Variants in CHD2 observed in about 807,000 individuals in gnomAD.
CHD2 encodes ATP-dependent chromatin remodeler CHD2.
CHD2 carries 28 observed loss-of-function variants against 243.9 expected under a neutral mutation model. The observed-to-expected ratio is 0.11, with a 90% CI of 0.09 to 0.16. CHD2 has a LOEUF of 0.16. Ranked by LOEUF, CHD2 falls within the 10% of genes least tolerant of loss-of-function variation. The probability of loss-of-function intolerance (pLI) is 1.00; values close to 1 mark genes in which losing one functional copy is unlikely to be tolerated. For missense variants in CHD2, 1,386 were observed against 2,209.8 expected (o/e 0.63, Z 7.47); for synonymous variants, 775 against 779.0 (o/e 0.99, Z 0.09).
At chr15:92,927,408 C>A in intron 4 of CHD2, 78 bp downstream of exon 4, 2 of 1,066,816 alleles carry the variant, frequency 1.9e-6, no homozygotes, top group South Asian at 1.4e-5. Flanking sequence ...GTATGTATTA[C>A]CATTAAAAAG....
rs543526502 is a variant in CHD2, at chr15:93,009,315, C to G, written c.4584C>G (p.Leu1528=). 24 of 1,613,914 alleles carry G rather than the reference C, an allele frequency of 1.5e-5. No individual in the cohort carries two copies. The African/African-American group carries it at 2.9e-4, about 20-fold the overall frequency. Residue 1528 remains leucine, a synonymous_variant, in exon 35 of 39, where the codon CTC becomes CTG. Coordinates refer to ENST00000394196, the MANE Select transcript of CHD2 (RefSeq NM_001271.4). ...KAYSDQEHIK[L]WRRNLWIFVS... Reference sequence around the variant, plus strand: ...ACTCAGATCAGGAGCACATCAAACTCTGGAGGAGGTAACCACTTTGGCCTC... The same window carrying G: ...ACTCAGATCAGGAGCACATCAAACTGTGGAGGAGGTAACCACTTTGGCCTC...
At chr15:92,935,991 C>A (rs1001615641) in intron 5 of CHD2, among the ~76,000 whole-genome samples, 3 of 151,822 alleles carry the variant, frequency 2.0e-5, no homozygotes, top group African/African-American at 7.3e-5. Context: ...TGGCTAAACT[C>A]TGGTACAAAG....
chr15:92,904,232 T>C (rs1367566884), intron 2 of CHD2, among the ~76,000 whole-genome samples: 1 of 152,202 alleles, frequency 6.6e-6, no homozygotes, highest in Non-Finnish European at 1.5e-5. Context: ...CTGACAGACA[T>C]ACTGCATTGC....
At chr15:92,995,049 A>G (rs991938938) in intron 28 of CHD2, among the ~76,000 whole-genome samples, 28 of 152,216 alleles carry the variant, frequency 1.8e-4, no homozygotes, top group Non-Finnish European at 4.4e-5. Context: ...TATCCCAAAC[A>G]TATGTTTCCA....
At chr15:92,942,604 G>A (rs1052602192) in intron 8 of CHD2, among the ~76,000 whole-genome samples, 6 of 151,270 alleles carry the variant, frequency 4.0e-5, no homozygotes, top group Non-Finnish European at 7.4e-5. Flanking sequence ...TTTGAATAAG[G>A]GATTTCTTTG....
At chr15:92,985,830 C>T (rs2054035199) in intron 26 of CHD2, among the ~76,000 whole-genome samples, 157 bp downstream of exon 26, 1 of 152,136 alleles carries the variant, frequency 6.6e-6, no homozygotes, top group Admixed American at 6.5e-5. Context: ...GTAGGATGAT[C>T]CTTCCTTCTC....
At chr15:93,005,930 C>T (rs1301533239) in intron 34 of CHD2, among the ~76,000 whole-genome samples, 3 of 152,112 alleles carry the variant, frequency 2.0e-5, no homozygotes, top group African/African-American at 7.2e-5. Flanking sequence ...AATGCTCTTA[C>T]AAATGACTCA....
At position 93,009,341 on chromosome 15, in the gene CHD2, G is replaced by A. The variant is rs116022337; in HGVS notation, c.4592+18G>A. On this transcript the variant is annotated intron_variant, in intron 35 of 38. Coordinates refer to ENST00000394196, the MANE Select transcript of CHD2 (RefSeq NM_001271.4). Reference sequence around the variant, plus strand: ...TGGAGGAGGTAACCACTTTGGCCTCGTCTGCCCAGTTTGATTTGACTGAGT... The same window carrying A: ...TGGAGGAGGTAACCACTTTGGCCTCATCTGCCCAGTTTGATTTGACTGAGT... 468 of 1,607,824 alleles carry A rather than the reference G, an allele frequency of 2.9e-4. 1 individual carries two copies. The African/African-American group carries it at 5.3e-3, about 18-fold the overall frequency.
At chr15:92,920,531 CAG>C (rs1343686821) in intron 2 of CHD2, among the ~76,000 whole-genome samples, 1 of 152,238 alleles carries the variant, frequency 6.6e-6, no homozygotes, top group African/African-American at 2.4e-5. Context: ...CTTTTCAACA[CAG>C]AACACTATAA....
chr15:93,008,566 TC>T, intron 34 of CHD2, among the ~76,000 whole-genome samples: 1 of 152,302 alleles, frequency 6.6e-6, no homozygotes, highest in Non-Finnish European at 1.5e-5. Flanking sequence ...TTTTGTCATT[TC>T]CCGTGCTGCC....
At chr15:93,009,891 G>T (rs1163755904) in intron 35 of CHD2, among the ~76,000 whole-genome samples, 3 of 152,138 alleles carry the variant, frequency 2.0e-5, no homozygotes, top group Non-Finnish European at 1.5e-5. Flanking sequence ...TTTTTTAAAA[G>T]ATTTCAATAG....
At chr15:92,955,365 ATG>A in intron 14 of CHD2, 56 bp from the exon 15 acceptor site, 1 of 1,010,804 alleles carries the variant, frequency 9.9e-7, no homozygotes. Context: ...CACAAAACTT[ATG>A]TGATATAGAA....
Position 92,998,485 on chromosome 15 carries a change from C to CT in CHD2, c.3886-11dup. ...TGGGTGGTGGCGGGTGCTTCTCTTC[C>CT]TTTCTTGTTGAAGATTCTGCCGGTG... On this transcript the variant is annotated splice_polypyrimidine_tract_variant and intron_variant, in intron 30 of 38. Transcript: ENST00000394196. This position sits in a 1 kb window ranked among gnomAD's most constrained non-coding sequence, Gnocchi z 5.1. The CT allele has an allele frequency of 2.5e-6, 4 of 1,613,680 alleles. No individual in the cohort carries two copies. Among genetic ancestry groups the CT allele is most frequent in the Non-Finnish European group, 3.4e-6 (4 of 1,179,768 alleles).
Position 92,980,955 on chromosome 15 carries a change from T to A in CHD2, c.2973+44T>A, listed in dbSNP as rs775766468. On this transcript the variant is annotated intron_variant, in intron 23 of 38. Transcript: ENST00000394196. ...AGGGAAATTTTTTTGAGAAGTATGA[T>A]CTGTGAGAGTCTAACTTTTCTGTAA... 19 of 1,278,642 alleles carry A rather than the reference T, an allele frequency of 1.5e-5. No individual in the cohort carries two copies. The East Asian group carries it at 4.2e-4, about 28-fold the overall frequency. 79.2% of individuals were successfully genotyped at this position (1,278,642 alleles called of 1,614,324 possible).
At chr15:92,954,772 G>A (rs1348674771) in intron 14 of CHD2, among the ~76,000 whole-genome samples, 3 of 152,124 alleles carry the variant, frequency 2.0e-5, no homozygotes, top group African/African-American at 7.2e-5. Flanking sequence ...ACTTGGGGGC[G>A]ATCACCTGCA....
chr15:93,016,779 C>CAAAAAAAAAAAAAAA (rs58103362), intron 37 of CHD2, among the ~76,000 whole-genome samples: 3 of 77,964 alleles, frequency 3.8e-5, no homozygotes, highest in African/African-American at 4.2e-5. Context: ...GAGACCGTCT[C>CAAAAAAAAAAAAAAA]AAAAAAAAAA....
intron 24 of CHD2, 64 bp downstream of exon 24, chr15:92,981,521 G>C: frequency 7.7e-7 from 1 of 1,306,328 alleles, no homozygotes; most frequent in Non-Finnish European, 1.1e-6. Context: ...TAATGTTTAT[G>C]AACGCTTTCT....
intron 2 of CHD2, chr15:92,902,756 ATT>A (rs2052547539): frequency 6.6e-6 from 1 of 152,164 alleles, no homozygotes; most frequent in African/African-American, 2.4e-5. Context: ...CTCCAGATAT[ATT>A]TGGCAAATTA....
At chr15:92,985,426 G>A in intron 25 of CHD2, 72 bp from the exon 26 acceptor site, 24 of 1,413,036 alleles carry the variant, frequency 1.7e-5, no homozygotes, top group Non-Finnish European at 2.3e-5. Flanking sequence ...AATTAAGATG[G>A]CCTTCTCTTA....
Sources: gnomAD v4.1 joint callset for allele counts (sites outside exome capture counted in the v4.1 genomes callset) on GRCh38, gnomAD v4.1.1 for gene constraint, Gnocchi (gnomAD v3.1) non-coding constraint, MANE v1.5 for transcripts, NCBI Gene and HGNC (gene_info 2026-07-23, HGNC 2026-07-21) for gene names.